The following ARL15 variants were observed in gnomAD, a reference collection of about 807,000 sequenced individuals.
ARL15 encodes ADP-ribosylation factor-like protein 15.
A neutral mutation model predicts 25.2 loss-of-function variants in ARL15; 19 were observed. That is an observed-to-expected ratio of 0.75 (90% CI 0.53 to 1.10). The LOEUF (loss-of-function observed/expected upper bound fraction) is 1.10. Among genes scored for constraint, ARL15 ranks in the 50% least tolerant of loss-of-function variants. The probability of loss-of-function intolerance (pLI) is 0.00; values close to 1 mark genes in which losing one functional copy is unlikely to be tolerated. For missense variants in ARL15, 220 were observed against 246.0 expected (o/e 0.89, Z 0.71); for synonymous variants, 94 against 86.8 (o/e 1.08, Z -0.46).
intron 3 of ARL15, among the ~76,000 whole-genome samples, chr5:54,114,170 G>A (rs1752822490): frequency 6.6e-6 from 1 of 152,008 alleles, no homozygotes; most frequent in Non-Finnish European, 1.5e-5. Flanking sequence ...GGCCAAGGCA[G>A]GTGAATCACC....
At chr5:54,091,440 C>G (rs1485820461) in intron 4 of ARL15, among the ~76,000 whole-genome samples, 1 of 152,118 alleles carries the variant, frequency 6.6e-6, no homozygotes, top group Non-Finnish European at 1.5e-5. Context: ...GCTTAGAAGT[C>G]TCCTATAATG....
intron 1 of ARL15, among the ~76,000 whole-genome samples, chr5:54,229,386 C>T: frequency 6.6e-6 from 1 of 152,092 alleles, no homozygotes; most frequent in South Asian, 2.1e-4. Context: ...GGGTGAAGGA[C>T]ACACTGTAGA....
rs72756268 is a variant in ARL15, at chr5:54,278,587, C to A, written c.48+31845G>T. Reference sequence around the variant, plus strand: ...TGGAGTTATCTCCTTGGACCAGATGCTTGGTTTTAAAGATTGTTTTGTTTG... The same window carrying A: ...TGGAGTTATCTCCTTGGACCAGATGATTGGTTTTAAAGATTGTTTTGTTTG... On this transcript the variant is annotated intron_variant, in intron 1 of 4. Coordinates refer to ENST00000504924, the MANE Select transcript of ARL15 (RefSeq NM_019087.3). Among the ~76,000 whole-genome samples the A allele has an allele frequency of 9.7e-3, 1,477 of 152,240 alleles. 9 individuals carry two copies. Among genetic ancestry groups the A allele is most frequent in the Middle Eastern group, 0.02 (6 of 294 alleles).
intron 4 of ARL15, among the ~76,000 whole-genome samples, chr5:53,961,200 T>G (rs1580120404): frequency 6.6e-6 from 1 of 152,064 alleles, no homozygotes; most frequent in Non-Finnish European, 1.5e-5. Context: ...TTAGAAATAA[T>G]TATATATACA....
intron 4 of ARL15, among the ~76,000 whole-genome samples, chr5:53,892,601 CT>C (rs70986647): frequency 0.014 from 2,016 of 141,136 alleles, 27 homozygotes; most frequent in African/African-American, 0.043. Flanking sequence ...ATTACTGTTA[CT>C]TTTTTTTTTT....
intron 3 of ARL15, among the ~76,000 whole-genome samples, chr5:54,126,252 C>T (rs1753247813): frequency 2.6e-5 from 4 of 152,156 alleles, no homozygotes; most frequent in African/African-American, 7.2e-5. Flanking sequence ...CTCCTGAGCA[C>T]CAATACTCTT....
chr5:53,887,843 GTTTTA>G (rs1297381932), intron 4 of ARL15, among the ~76,000 whole-genome samples: 1 of 152,100 alleles, frequency 6.6e-6, no homozygotes, highest in Non-Finnish European at 1.5e-5. Context: ...CTCAAATACG[GTTTTA>G]TTTTGCCAGT....
intron 2 of ARL15, among the ~76,000 whole-genome samples, chr5:54,164,310 T>C (rs278062): frequency 0.42 from 63,131 of 151,734 alleles, 13,695 homozygotes; most frequent in East Asian, 0.82. Context: ...TTGGCAAATA[T>C]TCTATGTGTA....
intron 4 of ARL15, among the ~76,000 whole-genome samples, chr5:53,892,773 A>AT (rs1166629607): frequency 6.6e-6 from 1 of 151,602 alleles, no homozygotes; most frequent in Non-Finnish European, 1.5e-5. Flanking sequence ...TGCCTAATTT[A>AT]TTTTTTATTT....
At chr5:54,237,841 C>T (rs1333707776) in intron 1 of ARL15, among the ~76,000 whole-genome samples, 13 of 152,052 alleles carry the variant, frequency 8.5e-5, no homozygotes, top group Non-Finnish European at 1.6e-4. Context: ...TGTCAAAAAG[C>T]GGGAAACAGA....
At chr5:54,175,945 C>T in intron 1 of ARL15, among the ~76,000 whole-genome samples, 1 of 152,188 alleles carries the variant, frequency 6.6e-6, no homozygotes, top group Non-Finnish European at 1.5e-5. Flanking sequence ...AGCCACTGAG[C>T]CTGGTCTCTC....
intron 1 of ARL15, among the ~76,000 whole-genome samples, chr5:54,251,140 C>G (rs917924106): frequency 2.0e-5 from 3 of 152,026 alleles, no homozygotes; most frequent in African/African-American, 7.3e-5. Context: ...AAAGCCCCTC[C>G]CCTAATTCAG....
chr5:54,265,490 G>A (rs1437714557), intron 1 of ARL15, among the ~76,000 whole-genome samples: 1 of 152,196 alleles, frequency 6.6e-6, no homozygotes, highest in East Asian at 1.9e-4. Flanking sequence ...ATAAGGTTCA[G>A]CCGATGGTAA....
chr5:53,946,880 A>T (rs1382450174), intron 4 of ARL15, among the ~76,000 whole-genome samples: 1 of 152,206 alleles, frequency 6.6e-6, no homozygotes, highest in Non-Finnish European at 1.5e-5. Flanking sequence ...GGAGGAAAGG[A>T]GAAGAAAAGG....
intron 1 of ARL15, among the ~76,000 whole-genome samples, chr5:54,255,198 C>T (rs1757333276): frequency 6.7e-6 from 1 of 149,022 alleles, no homozygotes; most frequent in African/African-American, 2.6e-5. Context: ...CCAAACTCTA[C>T]TCCACGTCAT....
chr5:54,100,772 A>G (rs951930529), intron 4 of ARL15, among the ~76,000 whole-genome samples: 1 of 152,128 alleles, frequency 6.6e-6, no homozygotes, highest in Non-Finnish European at 1.5e-5. Flanking sequence ...GCTAAAGAAA[A>G]TTCATTAAGT....
intron 3 of ARL15, among the ~76,000 whole-genome samples, chr5:54,140,976 G>C (rs564751258): frequency 6.6e-6 from 1 of 152,182 alleles, no homozygotes; most frequent in Non-Finnish European, 1.5e-5. Context: ...CTTTCTATAA[G>C]ATCTGCACTT....
intron 1 of ARL15, among the ~76,000 whole-genome samples, chr5:54,237,157 G>A (rs369557312): frequency 1.1e-4 from 16 of 152,304 alleles, no homozygotes; most frequent in African/African-American, 3.8e-4. Flanking sequence ...AGCTGTTCTC[G>A]TGATAGTGAA....
intron 4 of ARL15, among the ~76,000 whole-genome samples, chr5:54,103,378 G>A (rs1012118449): frequency 6.6e-6 from 1 of 152,056 alleles, no homozygotes; most frequent in Non-Finnish European, 1.5e-5. Context: ...GGTATTGAAG[G>A]TGTGCCTCAT....
Sources: gnomAD v4.1 joint callset for allele counts (sites outside exome capture counted in the v4.1 genomes callset) on GRCh38, gnomAD v4.1.1 for gene constraint, MANE v1.5 for transcripts, NCBI Gene and HGNC (gene_info 2026-07-23, HGNC 2026-07-21) for gene names.